The following CTIF variants were observed in gnomAD, a reference collection of about 807,000 sequenced individuals.
The protein encoded by CTIF is cap binding complex dependent translation initiation factor.
CTIF carries 21 observed loss-of-function variants against 66.0 expected under a neutral mutation model. The ratio of observed to expected loss-of-function variants is 0.32; its 90% confidence interval spans 0.23 to 0.46. The LOEUF (loss-of-function observed/expected upper bound fraction) is 0.46. CTIF is among the 20% of genes least tolerant of loss of function. The pLI is 1.00. For synonymous variants in CTIF, 345 were observed against 326.4 expected, an observed-to-expected ratio of 1.06 and a Z score of -0.62; for missense variants, 739 against 812.7, an observed-to-expected ratio of 0.91 and a Z score of 1.10.
intron 1 of CTIF, among the ~76,000 whole-genome samples, chr18:48,576,074 G>A (rs1233693755): frequency 2.6e-5 from 4 of 152,246 alleles, no homozygotes; most frequent in Non-Finnish European, 2.9e-5. Context: ...TGTCCCTCCC[G>A]GTCCTCGGGC....
At chr18:48,735,197 C>G (rs1380955975) in intron 7 of CTIF, among the ~76,000 whole-genome samples, 1 of 152,066 alleles carries the variant, frequency 6.6e-6, no homozygotes, top group East Asian at 1.9e-4. Context: ...AAGAAGCCTT[C>G]CTGGAGGAGG....
At chr18:48,817,989 C>T (rs1290762799) in intron 10 of CTIF, among the ~76,000 whole-genome samples, 3 of 152,138 alleles carry the variant, frequency 2.0e-5, no homozygotes, top group Admixed American at 6.5e-5. Flanking sequence ...TCTCAATGAG[C>T]GATCTTGGAA....
At chr18:48,593,383 T>C (rs1274407494) in intron 1 of CTIF, among the ~76,000 whole-genome samples, 1 of 151,636 alleles carries the variant, frequency 6.6e-6, no homozygotes, top group Non-Finnish European at 1.5e-5. Context: ...ATCTTTTTTT[T>C]TTCTTTTTTT....
chr18:48,728,817 A>C (rs935906608), intron 7 of CTIF, among the ~76,000 whole-genome samples: 4 of 152,204 alleles, frequency 2.6e-5, no homozygotes, highest in African/African-American at 9.7e-5. Context: ...TCAAAGCAAC[A>C]TACCATCCCT....
intron 1 of CTIF, among the ~76,000 whole-genome samples, chr18:48,573,371 C>T (rs1047005708): frequency 6.6e-6 from 1 of 152,136 alleles, no homozygotes; most frequent in African/African-American, 2.4e-5. Flanking sequence ...GCCCTGTGTC[C>T]TCCATGTGAC....
At chr18:48,540,337 G>A (rs924719322) in intron 1 of CTIF, 1 of 141,740 alleles carries the variant, frequency 7.1e-6, no homozygotes, top group Non-Finnish European at 1.5e-5. Flanking sequence ...ACGACGAGCA[G>A]GTAACTGTCC....
chr18:48,611,757 C>G (rs2090311891), intron 1 of CTIF, among the ~76,000 whole-genome samples: 2 of 152,170 alleles, frequency 1.3e-5, no homozygotes, highest in African/African-American at 4.8e-5. Context: ...AAACAAAAGT[C>G]CCACAAATTG....
At chr18:48,673,191 G>T (rs2091565270) in intron 6 of CTIF, among the ~76,000 whole-genome samples, 1 of 152,186 alleles carries the variant, frequency 6.6e-6, no homozygotes. Flanking sequence ...CTGCCTGAGG[G>T]CTGGGCCATT....
intron 10 of CTIF, among the ~76,000 whole-genome samples, chr18:48,821,911 T>C (rs2068491062): frequency 6.6e-6 from 1 of 152,260 alleles, no homozygotes; most frequent in African/African-American, 2.4e-5. Context: ...ATAGCCATAA[T>C]GTTGTGCAGA....
intron 4 of CTIF, 90 bp from the exon 5 acceptor site, chr18:48,664,357 C>T: frequency 1.7e-6 from 2 of 1,177,062 alleles, no homozygotes; most frequent in Non-Finnish European, 2.5e-6. Context: ...TGCGGATCTG[C>T]TCTGCCAGGT....
chr18:48,620,609 C>T (rs1009744635), intron 2 of CTIF, among the ~76,000 whole-genome samples: 2 of 152,152 alleles, frequency 1.3e-5, no homozygotes, highest in Non-Finnish European at 2.9e-5. Flanking sequence ...AGGTCAAAGA[C>T]AGTAAGAAGT....
rs560303638 is a variant in CTIF, at chr18:48,592,818, G to A, written c.-28-26720G>A. Among the ~76,000 whole-genome samples, 189 of 152,342 alleles carry A rather than the reference G, an allele frequency of 1.2e-3. 1 individual carries two copies. The highest frequency in any genetic ancestry group is 4.3e-3 in the African/African-American group (178 of 41,572). ...CGGGAAGAATCCAAGCCTGCCTGCC[G>A]TTCACAGGTGGCCTTTAGCTCCTTG... On this transcript the variant is annotated intron_variant, in intron 1 of 11. Coordinates refer to ENST00000256413, the MANE Select transcript of CTIF (RefSeq NM_014772.3).
intron 7 of CTIF, among the ~76,000 whole-genome samples, chr18:48,715,303 C>G (rs1450196152): frequency 6.6e-6 from 1 of 151,932 alleles, no homozygotes; most frequent in African/African-American, 2.4e-5. Flanking sequence ...CAAGAATGTT[C>G]TTGACATTTG....
chr18:48,763,003 C>T (rs914786918), intron 9 of CTIF, among the ~76,000 whole-genome samples: 6 of 152,194 alleles, frequency 3.9e-5, no homozygotes, highest in Non-Finnish European at 4.4e-5. Flanking sequence ...CTGGATCGCC[C>T]GCACTCCCCT....
At chr18:48,623,020 G>T (rs1401646556) in intron 2 of CTIF, among the ~76,000 whole-genome samples, 2 of 152,236 alleles carry the variant, frequency 1.3e-5, no homozygotes, top group African/African-American at 4.8e-5. Context: ...CAGCCAGCGG[G>T]GACATAGTTT....
At chr18:48,792,096 C>T (rs190497974) in intron 9 of CTIF, among the ~76,000 whole-genome samples, 20 of 152,302 alleles carry the variant, frequency 1.3e-4, no homozygotes, top group Admixed American at 3.3e-4. Context: ...TTCCAAAAGG[C>T]TGTGGAGAAG....
Position 48,664,510 on chromosome 18 carries a change from A to G in CTIF, c.390A>G (p.Arg130=). 6.2e-7 allele frequency: 1 copy of G among 1,613,268 alleles called. No homozygotes were observed. Among genetic ancestry groups the G allele is most frequent in the Admixed American group, 1.7e-5 (1 of 60,018 alleles). Residue 130 remains arginine, a synonymous_variant, in exon 5 of 12, where the codon CGA becomes CGG. Coordinates refer to ENST00000256413, the MANE Select transcript of CTIF (RefSeq NM_014772.3). ...TCACCCAGTTCCACCGCAAAGTCCGACACACGCCCAAGCAGCCCCTGCCAC... is the reference window on the plus strand; with the variant it reads ...TCACCCAGTTCCACCGCAAAGTCCGGCACACGCCCAAGCAGCCCCTGCCAC... The part of the protein sequence containing the change: ...LDFTQFHRKV[R]HTPKQPLPHI...
chr18:48,714,214 G>A (rs1005778171), intron 7 of CTIF, among the ~76,000 whole-genome samples: 2 of 152,210 alleles, frequency 1.3e-5, no homozygotes, highest in Non-Finnish European at 2.9e-5. Context: ...GACCTTGGAA[G>A]TCCATACTTG....
chr18:48,567,302 C>G (rs572345952), intron 1 of CTIF: 1 of 152,150 alleles, frequency 6.6e-6, no homozygotes, highest in South Asian at 2.1e-4. Flanking sequence ...GATGGGTGGA[C>G]GTCCAGCACC....
Sources: gnomAD v4.1 joint callset for allele counts (sites outside exome capture counted in the v4.1 genomes callset) on GRCh38, gnomAD v4.1.1 for gene constraint, MANE v1.5 for transcripts, NCBI Gene and HGNC (gene_info 2026-07-23, HGNC 2026-07-21) for gene names.